SND1: variants seen among roughly 807,000 people sequenced by gnomAD.
The protein encoded by SND1 is staphylococcal nuclease domain-containing protein 1.
Under a neutral mutation model 121.7 loss-of-function variants are expected in SND1, and 38 were observed. That is an observed-to-expected ratio of 0.31 (90% CI 0.24 to 0.41). The LOEUF (loss-of-function observed/expected upper bound fraction) is 0.41. Among genes scored for constraint, SND1 ranks in the 10% least tolerant of loss-of-function variants. The probability of loss-of-function intolerance (pLI) is 1.00; values close to 1 mark genes in which losing one functional copy is unlikely to be tolerated. For synonymous variants in SND1, 401 were observed against 447.4 expected (o/e 0.90, Z 1.31); for missense variants, 868 against 1,184.6 (o/e 0.73, Z 3.92).
At chr7:127,738,399 C>G (rs764649084) in intron 10 of SND1, among the ~76,000 whole-genome samples, 1 of 151,544 alleles carries the variant, frequency 6.6e-6, no homozygotes, top group Admixed American at 6.6e-5. Flanking sequence ...TTGCCTCAGC[C>G]TCCTAAGTAA....
At chr7:127,714,743 C>T (rs1044093667) in intron 9 of SND1, among the ~76,000 whole-genome samples, 3 of 152,204 alleles carry the variant, frequency 2.0e-5, no homozygotes, top group African/African-American at 7.2e-5. Flanking sequence ...TGAAATCAGA[C>T]AGTCTGTGTC....
chr7:128,078,280 A>T (rs1262007279), intron 17 of SND1, among the ~76,000 whole-genome samples: 3 of 152,248 alleles, frequency 2.0e-5, no homozygotes, highest in Non-Finnish European at 4.4e-5. Flanking sequence ...GGTCACCTCC[A>T]TCCCCACAGG....
chr7:127,959,145 T>A (rs1294366234), intron 15 of SND1, among the ~76,000 whole-genome samples: 1 of 152,160 alleles, frequency 6.6e-6, no homozygotes, highest in Non-Finnish European at 1.5e-5. Context: ...GGTGATTCCC[T>A]CCCAAGCTTT....
chr7:128,084,686 C>T (rs777272963), intron 18 of SND1, 38 bp from the exon 19 acceptor site: 28 of 1,579,114 alleles, frequency 1.8e-5, no homozygotes, highest in Non-Finnish European at 2.2e-5. Flanking sequence ...TCGAGGAACC[C>T]AGCACCCAGG....
At chr7:127,697,879 A>C (rs1286502641) in intron 3 of SND1, among the ~76,000 whole-genome samples, 1 of 152,134 alleles carries the variant, frequency 6.6e-6, no homozygotes, top group African/African-American at 2.4e-5. Context: ...GACATTACCT[A>C]TCAGTTAGAC....
At chr7:127,816,437 A>G (rs1189550605) in intron 11 of SND1, among the ~76,000 whole-genome samples, 1 of 152,090 alleles carries the variant, frequency 6.6e-6, no homozygotes, top group Non-Finnish European at 1.5e-5. Context: ...GCCTTTTTGG[A>G]TAAGATATTT....
At chr7:128,023,564 A>G (rs1245030949) in intron 16 of SND1, among the ~76,000 whole-genome samples, 1 of 152,228 alleles carries the variant, frequency 6.6e-6, no homozygotes, top group African/African-American at 2.4e-5. Flanking sequence ...GGACAGCTAT[A>G]GTGCTGGTGT....
intron 11 of SND1, among the ~76,000 whole-genome samples, chr7:127,828,077 G>T (rs1798675336): frequency 6.6e-6 from 1 of 152,056 alleles, no homozygotes; most frequent in South Asian, 2.1e-4. Flanking sequence ...GCTCACTGAA[G>T]ACTCTGCCTC....
chr7:128,036,057 T>C (rs555246066), intron 16 of SND1, among the ~76,000 whole-genome samples: 1 of 152,292 alleles, frequency 6.6e-6, no homozygotes, highest in East Asian at 1.9e-4. Context: ...AAAAGGAATT[T>C]GGGAAACTAG....
chr7:127,812,954 T>G (rs1798360127), intron 11 of SND1, among the ~76,000 whole-genome samples: 1 of 152,224 alleles, frequency 6.6e-6, no homozygotes, highest in Non-Finnish European at 1.5e-5. Context: ...CTCATATTAA[T>G]TTGATTCATT....
At chr7:127,923,381 C>T (rs1422710763) in intron 14 of SND1, among the ~76,000 whole-genome samples, 1 of 152,020 alleles carries the variant, frequency 6.6e-6, no homozygotes, top group East Asian at 1.9e-4. Context: ...TCCTGTTAAA[C>T]TTGCAATTCA....
At chr7:127,884,365 A>G (rs555227227) in intron 12 of SND1, among the ~76,000 whole-genome samples, 1 of 152,216 alleles carries the variant, frequency 6.6e-6, no homozygotes, top group South Asian at 2.1e-4. Context: ...TGCCTCCTGG[A>G]TCTCCAACTG....
chr7:127,811,915 C>G (rs1354537915), intron 11 of SND1, among the ~76,000 whole-genome samples: 1 of 152,084 alleles, frequency 6.6e-6, no homozygotes, highest in Admixed American at 6.5e-5. Flanking sequence ...TTTGGTAAAG[C>G]ATTTGATAGA....
At chr7:128,036,512 G>A (rs1792753569) in intron 16 of SND1, among the ~76,000 whole-genome samples, 1 of 152,206 alleles carries the variant, frequency 6.6e-6, no homozygotes, top group South Asian at 2.1e-4. Flanking sequence ...GAAGTCAGAA[G>A]GGAGTGGACA....
chr7:127,740,000 C>T (rs1796848350), intron 10 of SND1, among the ~76,000 whole-genome samples: 2 of 152,304 alleles, frequency 1.3e-5, no homozygotes, highest in South Asian at 4.1e-4. Context: ...TCTCTTCTCC[C>T]CTTTCTTATT....
chr7:127,990,901 TAGTGGG>T, intron 15 of SND1, 40 bp from the exon 16 acceptor site: 2 of 1,409,730 alleles, frequency 1.4e-6, no homozygotes, highest in Non-Finnish European at 2.0e-6. Flanking sequence ...ACAGCAAGCC[TAGTGGG>T]CACCTTTTCA....
chr7:127,968,218 A>G (rs1335494448), intron 15 of SND1, among the ~76,000 whole-genome samples: 2 of 152,172 alleles, frequency 1.3e-5, no homozygotes, highest in Admixed American at 6.5e-5. Flanking sequence ...TTCAGTTTCA[A>G]TCTTCCATTG....
chr7:127,807,289 T>C lies in SND1; in HGVS notation c.1153-195T>C, dbSNP rs183983243. On this transcript the variant is annotated intron_variant, in intron 10 of 23. Transcript: ENST00000354725. ...TCATTTCTTATTTGTGAGCCTGTTA[T>C]GTGAAAAAGGTAGCCCTATTCTCAG... Among the ~76,000 whole-genome samples the C allele has an allele frequency of 8.2e-3, 1,248 of 152,348 alleles. 9 individuals are homozygous for C. Among genetic ancestry groups the C allele is most frequent in the Non-Finnish European group, 0.012 (832 of 68,020 alleles).
chr7:128,075,610 C>T (rs760954766), intron 17 of SND1, among the ~76,000 whole-genome samples: 28 of 152,216 alleles, frequency 1.8e-4, no homozygotes, highest in Non-Finnish European at 2.6e-4. Context: ...GGGTCTCTCT[C>T]TATCTATTCT....
Sources: gnomAD v4.1 joint callset for allele counts (sites outside exome capture counted in the v4.1 genomes callset) on GRCh38, gnomAD v4.1.1 for gene constraint, MANE v1.5 for transcripts, NCBI Gene and HGNC (gene_info 2026-07-23, HGNC 2026-07-21) for gene names.